Variants in COXFA4L2 observed in about 807,000 individuals in gnomAD.
COXFA4L2 encodes NADH dehydrogenase (ubiquinone) 1 alpha subcomplex, 4-like 2.
chr12:57,235,797 CT>C, the COXFA4L2 span: 1 of 1,549,672 alleles, frequency 6.5e-7, no homozygotes, highest in South Asian at 1.2e-5. Flanking sequence ...CCGGGTTGTT[CT>C]TTCTGTCCCA....
the COXFA4L2 span, chr12:57,235,870 C>T: frequency 7.0e-7 from 1 of 1,435,100 alleles, no homozygotes; most frequent in Non-Finnish European, 9.3e-7. Flanking sequence ...CTCTGTAACC[C>T]AATTTGACCC....
chr12:57,235,576 C>G, the COXFA4L2 span: 8 of 1,613,920 alleles, frequency 5.0e-6, no homozygotes, highest in South Asian at 1.1e-5. Context: ...GAAGTCTGGC[C>G]GGTCCTTCTT....
chr12:57,237,708 G>C, the COXFA4L2 span: 2 of 155,868 alleles, frequency 1.3e-5, no homozygotes, highest in African/African-American at 2.4e-5. Context: ...GAAGAACCAG[G>C]TGTATGTTAA....
At chr12:57,235,495 G>T in the COXFA4L2 span, 2 of 1,533,434 alleles carry the variant, frequency 1.3e-6, no homozygotes, top group Non-Finnish European at 1.8e-6. Flanking sequence ...GGGGCCTGCG[G>T]GGAGGAGTGG....
the COXFA4L2 span, chr12:57,237,002 AGAGGTTCT>A: frequency 2.6e-5 from 42 of 1,613,840 alleles, no homozygotes; most frequent in Non-Finnish European, 2.9e-5. Flanking sequence ...GTTAGGAGTT[AGAGGTTCT>A]GAGGTTCTGA....
the COXFA4L2 span, chr12:57,236,110 TGGGAATCAGACACAGATCCCAAGGGG>T: frequency 2.7e-6 from 1 of 369,870 alleles, no homozygotes; most frequent in Admixed American, 4.3e-5. Flanking sequence ...AGCAGAGTCG[TGGGAATCAGACACAGATCCCAAGGGG>T]CTGGGTTTCT....
At chr12:57,236,052 G>T in the COXFA4L2 span, 1 of 408,474 alleles carries the variant, frequency 2.4e-6, no homozygotes, top group East Asian at 3.5e-5. Flanking sequence ...CTGACAACGG[G>T]GCCCAGGGAC....
At chr12:57,236,322 A>T in the COXFA4L2 span, 78 of 477,228 alleles carry the variant, frequency 1.6e-4, no homozygotes, top group Non-Finnish European at 2.4e-4. Context: ...GCCCAAGCCC[A>T]CCGCTGGCTG....
the COXFA4L2 span, among the ~76,000 whole-genome samples, chr12:57,238,410 G>C: frequency 1.3e-5 from 2 of 152,288 alleles, no homozygotes; most frequent in East Asian, 1.9e-4. The surrounding 1 kb of genome is among the most constrained non-coding windows in gnomAD (Gnocchi z 6.8). Flanking sequence ...ATGTGTGTGG[G>C]GGGGGCGGGG....
the COXFA4L2 span, chr12:57,236,600 C>A: frequency 1.3e-6 from 2 of 1,580,710 alleles, no homozygotes; most frequent in Non-Finnish European, 1.7e-6. Context: ...TACCAGACGT[C>A]GGGGCTGCGA....
chr12:57,238,319 G>C, the COXFA4L2 span, among the ~76,000 whole-genome samples: 1 of 152,172 alleles, frequency 6.6e-6, no homozygotes, highest in Non-Finnish European at 1.5e-5. The surrounding 1 kb of genome is among the most constrained non-coding windows in gnomAD (Gnocchi z 6.8). Flanking sequence ...GCGGGGTCCC[G>C]GGCTCTCCGC....
chr12:57,236,084 C>T, the COXFA4L2 span: 1 of 396,398 alleles, frequency 2.5e-6, no homozygotes, highest in African/African-American at 2.0e-5. Context: ...GCCTGCCACC[C>T]TAGGTTAACC....
chr12:57,237,324 A>C, the COXFA4L2 span: 2 of 1,421,010 alleles, frequency 1.4e-6, no homozygotes, highest in South Asian at 1.5e-5. Context: ...TCTCTCCTCC[A>C]GATGTCTGCA....
chr12:57,235,286 G>A, the COXFA4L2 span: 1 of 562,414 alleles, frequency 1.8e-6, no homozygotes. Context: ...GGAGGGCAGA[G>A]GGGCTGGTCT....
chr12:57,236,482 G>T, the COXFA4L2 span: 1 of 904,228 alleles, frequency 1.1e-6, no homozygotes. Flanking sequence ...ATGCCGGTCG[G>T]TACAGTCGAA....
At chr12:57,235,794 G>T in the COXFA4L2 span, 2 of 1,552,520 alleles carry the variant, frequency 1.3e-6, no homozygotes, top group Middle Eastern at 1.7e-4. Flanking sequence ...GCTCCGGGTT[G>T]TTCTTTCTGT....
the COXFA4L2 span, chr12:57,240,587 G>T: frequency 2.4e-6 from 2 of 839,822 alleles, no homozygotes; most frequent in Non-Finnish European, 2.9e-6. Flanking sequence ...ACACTCGCGC[G>T]CGCACGTGCG....
At chr12:57,235,270 C>CGGGTAGGA in the COXFA4L2 span, 1 of 536,352 alleles carries the variant, frequency 1.9e-6, no homozygotes, top group Non-Finnish European at 3.4e-6. Context: ...CTTCGAGGCC[C>CGGGTAGGA]GGGTAGGAGG....
chr12:57,239,412 G>A, the COXFA4L2 span: 1 of 152,382 alleles, frequency 6.6e-6, no homozygotes, highest in East Asian at 1.9e-4. The surrounding 1 kb of genome is among the most constrained non-coding windows in gnomAD (Gnocchi z 5.5). Context: ...CACTCTTCTG[G>A]TGTGAGATGG....
Sources: allele counts gnomAD v4.1 joint callset (sites outside exome capture counted in the v4.1 genomes callset), GRCh38; gene constraint gnomAD v4.1.1; non-coding constraint Gnocchi (gnomAD v3.1); transcripts MANE v1.5; gene names NCBI Gene and HGNC (gene_info 2026-07-23, HGNC 2026-07-21).